WDR70: variants seen among roughly 807,000 people sequenced by gnomAD.
WDR70 encodes the protein WD repeat domain 70.
In WDR70, 53 loss-of-function variants were observed where a neutral mutation model predicts 88.6. The ratio of observed to expected loss-of-function variants is 0.60; its 90% CI spans 0.48 to 0.75. The LOEUF is 0.75. Among genes scored for constraint, WDR70 ranks in the 30% least tolerant of loss-of-function variants. The probability of loss-of-function intolerance (pLI) is 0.00; values close to 1 mark genes in which losing one functional copy is unlikely to be tolerated. For synonymous variants in WDR70, 280 were observed against 270.0 expected, an observed-to-expected ratio of 1.04 and a Z score of -0.36; for missense variants, 610 against 823.2, an observed-to-expected ratio of 0.74 and a Z score of 3.17.
At chr5:37,722,652 C>T (rs1272290262) in intron 14 of WDR70, 1 of 570,300 alleles carries the variant, frequency 1.8e-6, no homozygotes, top group East Asian at 2.9e-5. Flanking sequence ...TGTTAATAAC[C>T]ACTGACTGAC....
At chr5:37,552,286 C>T (rs481834) in intron 9 of WDR70, among the ~76,000 whole-genome samples, 15,460 of 152,148 alleles carry the variant, frequency 0.1, 2,469 homozygotes, top group African/African-American at 0.34. Context: ...CTATTACTAT[C>T]GCGCAAAGCT....
intron 10 of WDR70, among the ~76,000 whole-genome samples, chr5:37,613,543 C>T (rs560252480): frequency 6.6e-6 from 1 of 152,242 alleles, no homozygotes; most frequent in East Asian, 1.9e-4. Flanking sequence ...TCACTGCTCT[C>T]CCTTTACCAT....
chr5:37,487,871 G>A (rs943233403), intron 8 of WDR70, among the ~76,000 whole-genome samples: 1 of 151,750 alleles, frequency 6.6e-6, no homozygotes, highest in African/African-American at 2.4e-5. Context: ...TGATCTGCCT[G>A]CCTAGGCCTC....
At chr5:37,678,442 G>C (rs1207472161) in intron 10 of WDR70, among the ~76,000 whole-genome samples, 7 of 151,870 alleles carry the variant, frequency 4.6e-5, no homozygotes, top group East Asian at 1.9e-4. Context: ...GACAAAATCT[G>C]TCAGCATTTG....
intron 5 of WDR70, among the ~76,000 whole-genome samples, chr5:37,424,162 A>T (rs1162026211): frequency 3.3e-5 from 5 of 150,186 alleles, no homozygotes; most frequent in African/African-American, 1.2e-4. Flanking sequence ...AAAAAAAAAA[A>T]AAAAAAAAAA....
At chr5:37,567,166 T>C (rs1394594677) in intron 9 of WDR70, among the ~76,000 whole-genome samples, 1 of 152,168 alleles carries the variant, frequency 6.6e-6, no homozygotes, top group Non-Finnish European at 1.5e-5. Context: ...AAAAGATACC[T>C]GGAGTCTGGA....
chr5:37,508,016 G>T (rs1438672867), intron 8 of WDR70, among the ~76,000 whole-genome samples: 1 of 152,080 alleles, frequency 6.6e-6, no homozygotes, highest in African/African-American at 2.4e-5. Flanking sequence ...GACATTGAAT[G>T]TGAATGTGGT....
chr5:37,409,954 A>G (rs1749471359), intron 5 of WDR70, among the ~76,000 whole-genome samples: 1 of 152,170 alleles, frequency 6.6e-6, no homozygotes. Context: ...TTTCATCACA[A>G]TAGGCAAATA....
intron 7 of WDR70, among the ~76,000 whole-genome samples, chr5:37,452,178 C>T (rs1187868946): frequency 6.6e-6 from 1 of 152,006 alleles, no homozygotes; most frequent in Non-Finnish European, 1.5e-5. Context: ...GGTGAATGTA[C>T]AGTAAATTCT....
intron 10 of WDR70, among the ~76,000 whole-genome samples, chr5:37,694,860 T>C (rs548682752): frequency 2.6e-5 from 4 of 151,752 alleles, no homozygotes; most frequent in South Asian, 4.2e-4. Context: ...ATAATAATAA[T>C]AATAAAGCAA....
At chr5:37,426,421 T>C (rs1165245295) in intron 5 of WDR70, among the ~76,000 whole-genome samples, 1 of 152,216 alleles carries the variant, frequency 6.6e-6, no homozygotes, top group African/African-American at 2.4e-5. Context: ...ACCTTAAACT[T>C]AGTGATTTAA....
intron 12 of WDR70, among the ~76,000 whole-genome samples, chr5:37,701,505 G>A (rs1747161251): frequency 6.6e-6 from 1 of 152,036 alleles, no homozygotes; most frequent in Admixed American, 6.6e-5. Context: ...TTGAGCTCTA[G>A]TCAGCCAGGC....
chr5:37,631,710 T>C (rs1185497855), intron 10 of WDR70, among the ~76,000 whole-genome samples: 2 of 152,134 alleles, frequency 1.3e-5, no homozygotes, highest in Non-Finnish European at 1.5e-5. Flanking sequence ...CCTCTCAGTG[T>C]GTGGGATCCC....
intron 3 of WDR70, among the ~76,000 whole-genome samples, chr5:37,387,942 A>G (rs1414176451): frequency 3.3e-5 from 5 of 152,136 alleles, no homozygotes; most frequent in Admixed American, 2.6e-4. Context: ...GTTTGTCTGT[A>G]TATGGGGGTA....
intron 9 of WDR70, among the ~76,000 whole-genome samples, chr5:37,565,764 T>G (rs768849879): frequency 3.3e-5 from 5 of 152,118 alleles, no homozygotes; most frequent in Admixed American, 1.3e-4. Flanking sequence ...GAAAAGTTGT[T>G]AGAAGCCTGT....
chr5:37,594,483 G>T (rs988962768), intron 9 of WDR70, among the ~76,000 whole-genome samples: 3 of 152,084 alleles, frequency 2.0e-5, no homozygotes, highest in Non-Finnish European at 4.4e-5. Context: ...TGGGGCCTCT[G>T]TTCTGTTCCA....
In WDR70 at chr5:37,611,775, T is replaced by C. The variant is rs925699982; in HGVS notation, c.1092+6537T>C. ...AATTTTCCTTTGAGATTATTTTGAT[T>C]TCAGCCTTTTTTTTTTTTTTTAAAA... On this transcript the variant is annotated intron_variant, in intron 10 of 17. Coordinates refer to ENST00000265107, the MANE Select transcript of WDR70 (RefSeq NM_018034.4). Among the ~76,000 whole-genome samples, 106 of 140,056 alleles carry C rather than the reference T, an allele frequency of 7.6e-4. 1 individual carries two copies. The highest frequency in any genetic ancestry group is 2.9e-3 in the African/African-American group (103 of 36,106). The allele number at this position is 140,056 out of a possible 152,430, so 91.9% of individuals were successfully genotyped here. A position where few individuals can be genotyped will look rare whatever the true frequency, so the allele number is the denominator to read the frequency against.
intron 8 of WDR70, among the ~76,000 whole-genome samples, chr5:37,496,246 C>T (rs377604957): frequency 5.9e-5 from 9 of 152,128 alleles, no homozygotes; most frequent in East Asian, 1.9e-4. Context: ...AGCCAGCTGC[C>T]GCCACCTGCT....
chr5:37,586,863 A>G (rs1398737071), intron 9 of WDR70, among the ~76,000 whole-genome samples: 1 of 152,140 alleles, frequency 6.6e-6, no homozygotes, highest in African/African-American at 2.4e-5. Flanking sequence ...TCTTTCATCC[A>G]GACCCTATAC....
Sources: allele counts gnomAD v4.1 joint callset (sites outside exome capture counted in the v4.1 genomes callset), GRCh38; gene constraint gnomAD v4.1.1; transcripts MANE v1.5; gene names NCBI Gene and HGNC (gene_info 2026-07-23, HGNC 2026-07-21).